The following DAPK2 variants were observed in gnomAD, a reference collection of about 807,000 sequenced individuals.
DAPK2 encodes the protein death-associated protein kinase 2.
A neutral mutation model predicts 44.1 loss-of-function variants in DAPK2; 35 were observed. The observed-to-expected ratio is 0.79, with a 90% confidence interval of 0.61 to 1.05. DAPK2 has a LOEUF of 1.05. Ranked by LOEUF, DAPK2 falls within the 50% of genes least tolerant of loss-of-function variation. The pLI is 0.00. For missense variants in DAPK2, 453 were observed against 483.2 expected (o/e 0.94, Z 0.59); for synonymous variants, 174 against 182.6 (o/e 0.95, Z 0.38).
intron 7 of DAPK2, among the ~76,000 whole-genome samples, chr15:63,925,717 CACACAT>C (rs2079235132): frequency 6.7e-6 from 1 of 150,142 alleles, no homozygotes; most frequent in Non-Finnish European, 1.5e-5. Context: ...CACACACACA[CACACAT>C]TATTTACATT....
intron 2 of DAPK2, among the ~76,000 whole-genome samples, chr15:63,972,456 C>T (rs879135010): frequency 2.0e-5 from 3 of 152,048 alleles, no homozygotes; most frequent in Admixed American, 2.0e-4. Flanking sequence ...ACCTAAGTGG[C>T]CATCAACAAA....
intron 3 of DAPK2, among the ~76,000 whole-genome samples, chr15:63,944,561 G>A (rs985247520): frequency 6.6e-6 from 1 of 152,204 alleles, no homozygotes. Context: ...AGTGTTCTAT[G>A]TGATCCTTGC....
At chr15:63,960,289 T>C (rs2077854662) in intron 3 of DAPK2, among the ~76,000 whole-genome samples, 2 of 152,210 alleles carry the variant, frequency 1.3e-5, no homozygotes, top group Non-Finnish European at 2.9e-5. Context: ...TGTTGATCTT[T>C]TCAAAAAACC....
intron 3 of DAPK2, among the ~76,000 whole-genome samples, chr15:63,959,763 T>C (rs2077832796): frequency 6.6e-6 from 1 of 152,230 alleles, no homozygotes; most frequent in Non-Finnish European, 1.5e-5. Context: ...TTGCCAGTAT[T>C]TTATTGAGGA....
chr15:64,036,328 T>TATATATATATATAC (rs1555484574), intron 1 of DAPK2, among the ~76,000 whole-genome samples: 5 of 123,362 alleles, frequency 4.1e-5, no homozygotes, highest in African/African-American at 8.1e-5. Context: ...TGTATATATA[T>TATATATATATATAC]ATATATATAC....
intron 2 of DAPK2, among the ~76,000 whole-genome samples, chr15:63,978,367 G>A (rs1440099734): frequency 1.3e-5 from 2 of 152,196 alleles, no homozygotes; most frequent in Non-Finnish European, 2.9e-5. Flanking sequence ...ATAAAATGCT[G>A]CATCAGTGTA....
At chr15:63,983,655 G>A (rs368126851) in exon 2 of DAPK2, 54 of 1,614,016 alleles carry the variant, frequency 3.3e-5, no homozygotes, top group African/African-American at 8.0e-5. Context: ...GGCTCACACC[G>A]CGCCGGCTCG....
At chr15:64,031,743 T>C (rs2080022035) in intron 1 of DAPK2, among the ~76,000 whole-genome samples, 1 of 152,244 alleles carries the variant, frequency 6.6e-6, no homozygotes, top group African/African-American at 2.4e-5. Flanking sequence ...GGCATCTCCT[T>C]GATAAGGTAG....
At chr15:63,949,817 C>T (rs1237642396) in intron 3 of DAPK2, among the ~76,000 whole-genome samples, 1 of 152,192 alleles carries the variant, frequency 6.6e-6, no homozygotes, top group Admixed American at 6.5e-5. Context: ...CTCTTTCAGC[C>T]TTGGGTCCCT....
chr15:64,013,627 G>A lies in DAPK2; in HGVS notation c.92+26543C>T, dbSNP rs534901945. ...CACATTGCCAGAGAAGGAACTGAGC[G>A]CCAGATAAGAATGCATTCCTTCTAA... On this transcript the variant is annotated intron_variant, in intron 1 of 10. Coordinates refer to ENST00000261891, the Ensembl canonical transcript of DAPK2. The surrounding 1 kb of genome is among the most constrained non-coding windows in gnomAD (Gnocchi z 4.7). Among the ~76,000 whole-genome samples the A allele has an allele frequency of 2.1e-4, 32 of 152,212 alleles. No individual in the cohort carries two copies. Among genetic ancestry groups the A allele is most frequent in the Non-Finnish European group, 4.3e-4 (29 of 68,044 alleles).
At chr15:64,044,546 C>A (rs1224113713), upstream of DAPK2, among the ~76,000 whole-genome samples, 1 of 152,138 alleles carries the variant, frequency 6.6e-6, no homozygotes, top group East Asian at 1.9e-4. Context: ...GGAAGGGACT[C>A]ACTGAGCATC....
At chr15:63,943,875 C>CA (rs199916370) in intron 3 of DAPK2, among the ~76,000 whole-genome samples, 2,407 of 151,250 alleles carry the variant, frequency 0.016, 67 homozygotes, top group African/African-American at 0.056. Flanking sequence ...GACTCTGTCT[C>CA]AAAAAAAACA....
chr15:63,963,107 G>C (rs1041765393), intron 3 of DAPK2, among the ~76,000 whole-genome samples: 4 of 152,146 alleles, frequency 2.6e-5, no homozygotes, highest in Admixed American at 6.5e-5. Flanking sequence ...AGACTGCTGT[G>C]CTAGCAGTGA....
intron 3 of DAPK2, among the ~76,000 whole-genome samples, chr15:63,960,974 G>C (rs1004802831): frequency 6.6e-6 from 1 of 152,110 alleles, no homozygotes; most frequent in Non-Finnish European, 1.5e-5. Flanking sequence ...ATTATTGTGT[G>C]GGAATCTAAG....
chr15:64,030,579 C>A (rs2079983291), intron 1 of DAPK2, among the ~76,000 whole-genome samples: 1 of 152,090 alleles, frequency 6.6e-6, no homozygotes, highest in South Asian at 2.1e-4. Context: ...TCTGCCCTGT[C>A]TCCCTTCCTC....
At chr15:64,024,429 C>G (rs2079778394) in intron 1 of DAPK2, among the ~76,000 whole-genome samples, 1 of 152,146 alleles carries the variant, frequency 6.6e-6, no homozygotes, top group Non-Finnish European at 1.5e-5. Context: ...AATGCTTATT[C>G]TTATTCGGAC....
intron 1 of DAPK2, among the ~76,000 whole-genome samples, chr15:64,033,279 GGGGAAGGGGGAAGGA>G (rs1332979010): frequency 1.3e-4 from 8 of 60,560 alleles, no homozygotes; most frequent in African/African-American, 6.9e-4. Context: ...GAGGGGGAAG[GGGGAAGGGGGAAGGA>G]AGGAAGGAAG....
intron 8 of DAPK2, chr15:63,924,472 T>C (rs968050491): frequency 3.2e-5 from 7 of 216,778 alleles, no homozygotes; most frequent in Non-Finnish European, 6.5e-5. Context: ...TTTCTACACC[T>C]GGGGAGTCCT....
Position 63,980,829 on chromosome 15 carries a change from C to T in DAPK2, c.314+2704G>A, listed in dbSNP as rs540228673. Among the ~76,000 whole-genome samples, 21 of 152,308 alleles carry T rather than the reference C, an allele frequency of 1.4e-4. No homozygotes were observed. The highest frequency in any genetic ancestry group is 4.6e-4 in the African/African-American group (19 of 41,568). On this transcript the variant is annotated intron_variant, in intron 2 of 10. Coordinates refer to ENST00000261891, the Ensembl canonical transcript of DAPK2. This position sits in a 1 kb window ranked among gnomAD's most constrained non-coding sequence, Gnocchi z 4.3. Reference sequence around the variant, plus strand: ...TTGGGTCGGGGTGCGGTGGCTCACGCCTGTAATCCCAACGCTTTGGGAGGC... The same window carrying T: ...TTGGGTCGGGGTGCGGTGGCTCACGTCTGTAATCCCAACGCTTTGGGAGGC...
Sources: gnomAD v4.1 joint callset for allele counts (sites outside exome capture counted in the v4.1 genomes callset) on GRCh38, gnomAD v4.1.1 for gene constraint, Gnocchi (gnomAD v3.1) non-coding constraint, MANE v1.5 for transcripts, NCBI Gene and HGNC (gene_info 2026-07-23, HGNC 2026-07-21) for gene names.